MAML3: variants seen among roughly 807,000 people sequenced by gnomAD.
MAML3 encodes the protein mastermind like transcriptional coactivator 3.
A neutral mutation model predicts 101.9 loss-of-function variants in MAML3; 27 were observed. The ratio of observed to expected loss-of-function variants is 0.27; its 90% CI spans 0.20 to 0.37. The LOEUF (loss-of-function observed/expected upper bound fraction) is 0.37. Ranked by LOEUF, MAML3 falls within the 10% of genes least tolerant of loss-of-function variation. The pLI is 1.00. For missense variants in MAML3, 1,316 were observed against 1,444.9 expected (o/e 0.91, Z 1.45); for synonymous variants, 501 against 555.9 (o/e 0.90, Z 1.39).
At chr4:140,149,603 A>G (rs1729121864) in intron 1 of MAML3, among the ~76,000 whole-genome samples, 1 of 152,260 alleles carries the variant, frequency 6.6e-6, no homozygotes, top group Non-Finnish European at 1.5e-5. Flanking sequence ...GGTCCTTAGA[A>G]AGTAAACAAT....
intron 1 of MAML3, among the ~76,000 whole-genome samples, chr4:140,009,237 A>G (rs190605308): frequency 1.2e-3 from 176 of 152,348 alleles, no homozygotes; most frequent in African/African-American, 3.8e-3. Flanking sequence ...GGGAATTGCC[A>G]GGAAGGCAGA....
At chr4:139,878,113 G>C (rs1455480) in intron 2 of MAML3, among the ~76,000 whole-genome samples, 62,040 of 151,998 alleles carry the variant, frequency 0.41, 13,155 homozygotes, top group Middle Eastern at 0.49. Context: ...TCGCTATTCC[G>C]CACCGGAACC....
chr4:139,962,776 G>A (rs1734044378), intron 1 of MAML3, among the ~76,000 whole-genome samples: 1 of 152,170 alleles, frequency 6.6e-6, no homozygotes, highest in Admixed American at 6.5e-5. Flanking sequence ...GGCTTCAACT[G>A]TAGCAGCATA....
intron 1 of MAML3, among the ~76,000 whole-genome samples, chr4:140,002,131 G>A (rs1384483776): frequency 6.6e-6 from 1 of 152,000 alleles, no homozygotes; most frequent in East Asian, 1.9e-4. Flanking sequence ...TAGTCACCAC[G>A]TTGTATAATA....
intron 2 of MAML3, among the ~76,000 whole-genome samples, chr4:139,736,603 C>T (rs1051410920): frequency 2.0e-5 from 3 of 152,160 alleles, no homozygotes; most frequent in African/African-American, 4.8e-5. Flanking sequence ...ACTCTAAAAC[C>T]TCCCCATTCC....
chr4:140,075,196 A>T (rs1727746430), intron 1 of MAML3, among the ~76,000 whole-genome samples: 1 of 152,218 alleles, frequency 6.6e-6, no homozygotes, highest in South Asian at 2.1e-4. Flanking sequence ...AAGTTTGGGA[A>T]ATTTAAGCTA....
At chr4:140,126,109 T>C (rs2111032359) in intron 1 of MAML3, among the ~76,000 whole-genome samples, 1 of 151,158 alleles carries the variant, frequency 6.6e-6, no homozygotes, top group Middle Eastern at 3.4e-3. Flanking sequence ...ATACCATTAT[T>C]CCATTTAATG....
intron 2 of MAML3, among the ~76,000 whole-genome samples, chr4:139,764,144 C>T (rs1170987887): frequency 2.6e-5 from 4 of 152,146 alleles, no homozygotes; most frequent in South Asian, 4.2e-4. Flanking sequence ...TTTAATAACA[C>T]GAGACAGAAA....
At chr4:139,790,030 T>C (rs1730376548) in intron 2 of MAML3, among the ~76,000 whole-genome samples, 1 of 151,840 alleles carries the variant, frequency 6.6e-6, no homozygotes, top group Non-Finnish European at 1.5e-5. Flanking sequence ...GAAGCTCAAA[T>C]GGAAAACTGC....
intron 1 of MAML3, among the ~76,000 whole-genome samples, chr4:139,918,751 T>C (rs1034525211): frequency 1.1e-4 from 16 of 152,180 alleles, no homozygotes; most frequent in Non-Finnish European, 2.1e-4. Flanking sequence ...ATCTTTGGAA[T>C]GAAAGAATAA....
chr4:139,749,883 G>A (rs1176433527), intron 2 of MAML3, among the ~76,000 whole-genome samples: 2 of 99,918 alleles, frequency 2.0e-5, no homozygotes, highest in Admixed American at 1.1e-4. Flanking sequence ...AGATGAATAA[G>A]AACCCCCCCC....
rs1265760083 is a variant in MAML3, at chr4:139,717,321, T to G, written c.*2002A>C. The G allele has an allele frequency of 6.6e-6, 1 of 152,670 alleles. No individual in the cohort carries two copies. The highest frequency in any genetic ancestry group is 2.4e-5 in the African/African-American group (1 of 41,456). The allele number at this position is 152,670 out of a possible 1,614,324, so 9.5% of individuals were successfully genotyped here. A position where few individuals can be genotyped will look rare whatever the true frequency, so the allele number is the denominator to read the frequency against. The stretch of plus-strand genomic sequence containing the variant: ...TTTCTCATCATTGCTTATATATTTA[T>G]TTCCTGTACCTTTCAGGAAAAGGTA... On this transcript the variant is annotated 3_prime_UTR_variant, in exon 5 of 5. Coordinates refer to ENST00000509479, the MANE Select transcript of MAML3 (RefSeq NM_018717.5).
intron 2 of MAML3, among the ~76,000 whole-genome samples, chr4:139,875,941 A>G (rs1255400003): frequency 7.3e-6 from 1 of 137,542 alleles, no homozygotes; most frequent in Non-Finnish European, 1.6e-5. Context: ...AAAAAAAAAA[A>G]AAATCACCTC....
At chr4:139,975,414 C>T (rs1242609679) in intron 1 of MAML3, among the ~76,000 whole-genome samples, 2 of 152,166 alleles carry the variant, frequency 1.3e-5, no homozygotes, top group African/African-American at 4.8e-5. Context: ...CCTTTCCATA[C>T]ACACAGGCTC....
At chr4:139,795,322 A>G (rs1730492788) in intron 2 of MAML3, among the ~76,000 whole-genome samples, 1 of 152,198 alleles carries the variant, frequency 6.6e-6, no homozygotes, top group Non-Finnish European at 1.5e-5. Flanking sequence ...CTGGCTGTTG[A>G]TTTTTAAAAA....
chr4:140,105,041 G>C (rs995112798), intron 1 of MAML3, among the ~76,000 whole-genome samples: 1 of 152,052 alleles, frequency 6.6e-6, no homozygotes, highest in African/African-American at 2.4e-5. Flanking sequence ...GAAAGTCCTG[G>C]TATTTCCACC....
chr4:139,999,743 T>C (rs1473399644), intron 1 of MAML3, among the ~76,000 whole-genome samples: 1 of 152,252 alleles, frequency 6.6e-6, no homozygotes, highest in Non-Finnish European at 1.5e-5. Flanking sequence ...ACATTTGTCT[T>C]TTTGAGTGCT....
chr4:140,035,532 T>A (rs1726971286), intron 1 of MAML3, among the ~76,000 whole-genome samples: 1 of 152,216 alleles, frequency 6.6e-6, no homozygotes. Flanking sequence ...GCACAGTGGC[T>A]CACGCCTGTA....
intron 1 of MAML3, among the ~76,000 whole-genome samples, chr4:139,986,142 T>G (rs547509484): frequency 1.1e-4 from 17 of 152,360 alleles, no homozygotes; most frequent in African/African-American, 3.8e-4. Context: ...TCCTATGGAC[T>G]GATAAATACA....
Sources: allele counts gnomAD v4.1 joint callset (sites outside exome capture counted in the v4.1 genomes callset), GRCh38; gene constraint gnomAD v4.1.1; transcripts MANE v1.5; gene names NCBI Gene and HGNC (gene_info 2026-07-23, HGNC 2026-07-21).